The following NOTCH2 variants were observed in gnomAD, a reference collection of about 807,000 sequenced individuals.
NOTCH2 encodes the protein notch receptor 2.
NOTCH2 carries 29 observed loss-of-function variants against 235.8 expected under a neutral mutation model. The observed-to-expected ratio is 0.12, with a 90% CI of 0.09 to 0.17. The LOEUF (loss-of-function observed/expected upper bound fraction) is 0.17. Ranked by LOEUF, NOTCH2 falls within the 10% of genes least tolerant of loss-of-function variation. The pLI is 1.00. For missense variants in NOTCH2, 2,285 were observed against 3,150.2 expected, an observed-to-expected ratio of 0.73 and a Z score of 6.57; for synonymous variants, 1,086 against 1,141.5, an observed-to-expected ratio of 0.95 and a Z score of 0.98.
At chr1:119,937,753 T>A in intron 20 of NOTCH2, 104 bp downstream of exon 20, 1 of 1,306,612 alleles carries the variant, frequency 7.7e-7, no homozygotes, top group Non-Finnish European at 1.1e-6. Flanking sequence ...CCCACTACTA[T>A]CTGCCCTTCC....
chr1:120,033,847 TACATTGTATTAGCA>T (rs1158021997), intron 1 of NOTCH2, among the ~76,000 whole-genome samples: 4 of 152,194 alleles, frequency 2.6e-5, no homozygotes, highest in Admixed American at 2.6e-4. Flanking sequence ...TTAATTGTTC[TACATTGTATTAGCA>T]AATTATAACA....
At chr1:120,010,970 C>T (rs149791003) in intron 2 of NOTCH2, among the ~76,000 whole-genome samples, 1,953 of 152,270 alleles carry the variant, frequency 0.013, 21 homozygotes, top group Non-Finnish European at 0.021. Flanking sequence ...CATGCTACAA[C>T]ATGCATGAAC....
In NOTCH2 at chr1:119,916,360, T is replaced by C. The variant is rs148393324; in HGVS notation, c.6362A>G (p.Lys2121Arg). ...TMPTSLPNLAKEAKDAKGSRR... is the reference protein window; with the variant it reads ...TMPTSLPNLAREAKDAKGSRR... ...ACTACCCTTGGCATCCTTTGCCTCCTTGGCAAGGTTAGGGAGGCTAGTAGG... is the reference window on the plus strand; with the variant it reads ...ACTACCCTTGGCATCCTTTGCCTCCCTGGCAAGGTTAGGGAGGCTAGTAGG... The change falls in exon 34 of 34, where the codon AAG becomes AGG. Residue 2121 changes from lysine (K) to arginine (R), a missense_variant. By Grantham distance (26) the Lys-to-Arg change is conservative (BLOSUM62 2). Coordinates refer to ENST00000256646, the MANE Select transcript of NOTCH2 (RefSeq NM_024408.4). 2.1e-5 allele frequency: 34 copies of C among 1,614,196 alleles called. No homozygotes were observed. In the African/African-American group the frequency reaches 4.1e-4, roughly 20 times the overall value.
chr1:119,915,625 G>A lies in NOTCH2; in HGVS notation c.7097C>T (p.Ala2366Val), dbSNP rs766636607. Residue 2366 changes from alanine to valine, a missense_variant, in exon 34 of 34, where the codon GCT becomes GTT. Physicochemically the swap from Ala to Val is moderately conservative, Grantham distance 64. Coordinates refer to ENST00000256646, the MANE Select transcript of NOTCH2 (RefSeq NM_024408.4). ...AMMPQQDGQV[A>V]QTILPAYHPF... The stretch of plus-strand genomic sequence containing the variant: ...ATGATAGGCTGGGAGAATGGTCTGA[G>A]CTACCTGCCCGTCCTGCTGGGGCAT... 1.2e-6 allele frequency: 2 copies of A among 1,614,040 alleles called. No individual in the cohort carries two copies. The highest frequency in any genetic ancestry group is 1.1e-5 in the South Asian group (1 of 91,076).
chr1:119,959,613 C>G (rs1321567038), intron 11 of NOTCH2, 111 bp from the exon 12 acceptor site: 1 of 724,938 alleles, frequency 1.4e-6, no homozygotes, highest in Middle Eastern at 2.3e-4. Context: ...TCCAGCCAAC[C>G]CTGGACAGAA....
At chr1:120,017,351 T>G (rs1423305583) in intron 2 of NOTCH2, among the ~76,000 whole-genome samples, 5 of 152,112 alleles carry the variant, frequency 3.3e-5, no homozygotes, top group African/African-American at 1.2e-4. Flanking sequence ...TGTTATTTCC[T>G]GTGAAAAACA....
chr1:119,965,312 G>A (rs1335780784), intron 10 of NOTCH2, 141 bp downstream of exon 10: 1 of 784,062 alleles, frequency 1.3e-6, no homozygotes, highest in Non-Finnish European at 2.3e-6. Flanking sequence ...CAAAAAATTT[G>A]TTAGAAACAG....
At chr1:119,968,860 T>A (rs1553200018) in intron 6 of NOTCH2, among the ~76,000 whole-genome samples, 1 of 152,222 alleles carries the variant, frequency 6.6e-6, no homozygotes, top group African/African-American at 2.4e-5. Flanking sequence ...TAACTAAAGC[T>A]TCTTCCACAA....
chr1:120,001,491 A>C (rs1375028102), intron 3 of NOTCH2, among the ~76,000 whole-genome samples: 4 of 152,166 alleles, frequency 2.6e-5, no homozygotes, highest in African/African-American at 2.4e-5. Context: ...AGAAAACAAG[A>C]TGGGCCGGTG....
chr1:119,933,722 T>A (rs587619069), intron 22 of NOTCH2, among the ~76,000 whole-genome samples: 10 of 152,374 alleles, frequency 6.6e-5, no homozygotes, highest in Admixed American at 2.6e-4. Context: ...AAAAATTTTG[T>A]TTCCTTCTGA....
At chr1:119,996,362 A>T (rs1353919151) in intron 4 of NOTCH2, 2 of 435,792 alleles carry the variant, frequency 4.6e-6, no homozygotes, top group Non-Finnish European at 8.6e-6. Flanking sequence ...CTCATATATC[A>T]TCTATCAGCT....
Position 119,923,628 on chromosome 1 carries a change from A to G in NOTCH2, c.4859+9T>C, listed in dbSNP as rs770331721. 6.2e-7 allele frequency: 1 copy of G among 1,613,250 alleles called. No individual in the cohort carries two copies. The highest frequency in any genetic ancestry group is 8.5e-7 in the Non-Finnish European group (1 of 1,179,546). On this transcript the variant is annotated intron_variant, in intron 26 of 33. Transcript: ENST00000256646. ...AATTAGCCTTGAAGTTCAGAAACCAAACACCTACCCAGCCACCTCCTGTTC... is the reference window on the plus strand; with the variant it reads ...AATTAGCCTTGAAGTTCAGAAACCAGACACCTACCCAGCCACCTCCTGTTC...
In NOTCH2 at chr1:119,950,368, C is replaced by G. The variant is rs1553197582; in HGVS notation, c.2479+356G>C. ...AAAGTGTCTGGCACATAGTAAATTA[C>G]CAATAAGTGGTAGCTGTATTATTGA... On this transcript the variant is annotated intron_variant, in intron 15 of 33. Transcript: ENST00000256646. The G allele has an allele frequency of 1.0e-5, 4 of 401,498 alleles. No homozygotes were observed. The East Asian group carries it at 2.5e-4, about 26-fold the overall frequency. The allele number at this position is 401,498 out of a possible 1,614,324, so 24.9% of individuals were successfully genotyped here.
At chr1:119,957,870 ACACACACACACAC>A (rs1170560892) in intron 12 of NOTCH2, among the ~76,000 whole-genome samples, 3 of 149,966 alleles carry the variant, frequency 2.0e-5, no homozygotes, top group African/African-American at 7.3e-5. Context: ...ACACACACAC[ACACACACACACAC>A]AACAGGCCCC....
At chr1:119,983,003 A>G (rs1289908642) in intron 5 of NOTCH2, among the ~76,000 whole-genome samples, 2 of 152,216 alleles carry the variant, frequency 1.3e-5, no homozygotes, top group Non-Finnish European at 2.9e-5. Context: ...ATGCTGTCCA[A>G]CTGAAATATA....
intron 1 of NOTCH2, among the ~76,000 whole-genome samples, chr1:120,034,647 GC>G (rs1253002072): frequency 1.4e-5 from 2 of 144,800 alleles, no homozygotes; most frequent in Non-Finnish European, 3.0e-5. Context: ...ACAGTAATAA[GC>G]GATAAGTTCC....
chr1:119,923,477 A>G (rs1649355864), intron 26 of NOTCH2, among the ~76,000 whole-genome samples, 160 bp downstream of exon 26: 1 of 152,226 alleles, frequency 6.6e-6, no homozygotes, highest in East Asian at 1.9e-4. Context: ...ATATCTTTAC[A>G]TTTAAACGTA....
intron 1 of NOTCH2, chr1:120,069,110 C>A: frequency 6.6e-7 from 1 of 1,521,514 alleles, no homozygotes; most frequent in Non-Finnish European, 8.8e-7. Context: ...TAAGGGGTCC[C>A]GGGCCGCGGG....
chr1:119,985,613 A>G (rs782278950), intron 5 of NOTCH2, among the ~76,000 whole-genome samples: 2 of 152,190 alleles, frequency 1.3e-5, no homozygotes, highest in Non-Finnish European at 2.9e-5. Context: ...CAAGGGAGAG[A>G]TCAGAATGTG....
Sources: allele counts gnomAD v4.1 joint callset (sites outside exome capture counted in the v4.1 genomes callset), GRCh38; gene constraint gnomAD v4.1.1; transcripts MANE v1.5; gene names NCBI Gene and HGNC (gene_info 2026-07-23, HGNC 2026-07-21).